The following LAT variants were observed in gnomAD, a reference collection of about 807,000 sequenced individuals.
The protein encoded by LAT is linker for activation of T cells.
In LAT, 12 loss-of-function variants were observed where a neutral mutation model predicts 39.1. That is an observed-to-expected ratio of 0.31 (90% confidence interval 0.20 to 0.50). The LOEUF is 0.50. Among genes scored for constraint, LAT ranks in the 20% least tolerant of loss-of-function variants. The probability of loss-of-function intolerance (pLI) is 0.98; values close to 1 mark genes in which losing one functional copy is unlikely to be tolerated. For synonymous variants in LAT, 117 were observed against 123.8 expected (o/e 0.95, Z 0.36); for missense variants, 253 against 308.0 (o/e 0.82, Z 1.34).
Position 28,986,604 on chromosome 16 carries a change from G to T in LAT, c.340+35G>T, listed in dbSNP as rs764639285. ...GGATCCGAGGTGCCCAGGCTGGGTG[G>T]GGAGTCTGGGGTCCGTCCTGGACTA... On this transcript the variant is annotated intron_variant, in intron 6 of 11. Coordinates refer to ENST00000395456, the MANE Select transcript of LAT (RefSeq NM_001014987.2). This position sits in a 1 kb window ranked among gnomAD's most constrained non-coding sequence, Gnocchi z 5.7. 1.8e-5 allele frequency: 29 copies of T among 1,613,538 alleles called. No homozygotes were observed. The East Asian group carries it at 6.5e-4, about 36-fold the overall frequency.
upstream of LAT, chr16:28,984,910 G>A (rs1051502381): frequency 1.3e-6 from 2 of 1,547,074 alleles, no homozygotes; most frequent in African/African-American, 2.7e-5. Flanking sequence ...CGTCTTGGGG[G>A]GGGCCAGCAG....
At chr16:28,989,677 C>T in intron 9 of LAT, 88 bp downstream of exon 9, 1 of 1,582,826 alleles carries the variant, frequency 6.3e-7, no homozygotes, top group Admixed American at 1.7e-5. Flanking sequence ...CCTGGGGCTA[C>T]CCACACCCTC....
Position 28,986,446 on chromosome 16 carries a change from G to A in LAT, c.310G>A (p.Ala104Thr). ...ATCTTCCCGGCGGGATTCTGATGGT[G>A]GTAAGTGTGGGGAAGGGTTCAGGCG... ...TPSSRRDSDG[A>T]NSVASYENEE... The change falls in exon 5 of 12, where the codon GCC (alanine) becomes ACC (threonine). Residue 104 changes from alanine to threonine, a missense_variant and splice_region_variant. Ala to Thr is a moderately conservative substitution (Grantham distance 58, BLOSUM62 0). Transcript: ENST00000395456. The surrounding 1 kb of genome is among the most constrained non-coding windows in gnomAD (Gnocchi z 5.7). The A allele has an allele frequency of 2.5e-6, 4 of 1,613,960 alleles. No homozygotes were observed. The highest frequency in any genetic ancestry group is 3.4e-6 in the Non-Finnish European group (4 of 1,180,016).
rs140327086 is a variant in LAT at position 28,986,547 on chromosome 16, T to C, written c.318T>C (p.Ser106=). Residue 106 remains serine (S), a synonymous_variant, in exon 6 of 12, where the codon AGT becomes AGC. Transcript: ENST00000395456. The surrounding 1 kb of genome is among the most constrained non-coding windows in gnomAD (Gnocchi z 5.7). The part of the protein sequence containing the change: ...SSRRDSDGAN[S]VASYENEEPA... Reference sequence around the variant, plus strand: ...CTCACCCTCTCTTTGAAGCCAACAGTGTGGCGAGCTACGAGAACGAGGGTG... The same window carrying C: ...CTCACCCTCTCTTTGAAGCCAACAGCGTGGCGAGCTACGAGAACGAGGGTG... 3.0e-3 allele frequency: 4,867 copies of C among 1,612,038 alleles called. 14 individuals are homozygous for C. Among genetic ancestry groups the C allele is most frequent in the Middle Eastern group, 0.011 (66 of 6,052 alleles).
At position 28,986,464 on chromosome 16, in the gene LAT, T is replaced by TTCAGGCGGC. The variant is rs1483496980; in HGVS notation, c.310+19_310+27dup. 1.9e-6 allele frequency: 3 copies of TTCAGGCGGC among 1,613,276 alleles called. No homozygotes were observed. The highest frequency in any genetic ancestry group is 1.3e-5 in the African/African-American group (1 of 74,790). On this transcript the variant is annotated intron_variant, in intron 5 of 11. Transcript: ENST00000395456. This position sits in a 1 kb window ranked among gnomAD's most constrained non-coding sequence, Gnocchi z 5.7. ...TGATGGTGGTAAGTGTGGGGAAGGG[T>TTCAGGCGGC]TCAGGCGGCGGGGGCTGGGAAGAAG...
In LAT at chr16:28,985,771, C is replaced by T. The variant is rs768142595; in HGVS notation, c.128+31C>T. The T allele has an allele frequency of 6.8e-6, 11 of 1,614,090 alleles. No homozygotes were observed. The Admixed American group carries it at 1.7e-4, about 24-fold the overall frequency. ...TCCGCCCCAGCCGCCCTGGGTCTCCCTCCACACCCCATGGCGGGGCAGGGC... is the reference window on the plus strand; with the variant it reads ...TCCGCCCCAGCCGCCCTGGGTCTCCTTCCACACCCCATGGCGGGGCAGGGC... On this transcript the variant is annotated intron_variant, in intron 2 of 11. Transcript: ENST00000395456. This position sits in a 1 kb window ranked among gnomAD's most constrained non-coding sequence, Gnocchi z 4.6.
chr16:28,986,130 C>T lies in LAT; in HGVS notation c.164-5C>T, dbSNP rs1965743641. 1.3e-6 allele frequency: 2 copies of T among 1,590,984 alleles called. No individual in the cohort carries two copies. The highest frequency in any genetic ancestry group is 1.8e-5 in the Admixed American group (1 of 56,886). Reference sequence around the variant, plus strand: ...CCTTCTTTCAACTTGGTTCTGTGTCCTCAGACACGGTTGCCCCCTGGCCAC... The same window carrying T: ...CCTTCTTTCAACTTGGTTCTGTGTCTTCAGACACGGTTGCCCCCTGGCCAC... On this transcript the variant is annotated splice_polypyrimidine_tract_variant and splice_region_variant and intron_variant, in intron 3 of 11. Transcript: ENST00000395456. The surrounding 1 kb of genome is among the most constrained non-coding windows in gnomAD (Gnocchi z 5.7).
chr16:28,986,576 C>G lies in LAT; in HGVS notation c.340+7C>G, dbSNP rs1965762525. 1 of 1,613,232 alleles carries G rather than the reference C, an allele frequency of 6.2e-7. No homozygotes were observed. Among genetic ancestry groups the G allele is most frequent in the East Asian group, 2.2e-5 (1 of 44,850 alleles). Reference sequence around the variant, plus strand: ...GCGAGCTACGAGAACGAGGGTGCGTCTGGGATCCGAGGTGCCCAGGCTGGG... The same window carrying G: ...GCGAGCTACGAGAACGAGGGTGCGTGTGGGATCCGAGGTGCCCAGGCTGGG... On this transcript the variant is annotated splice_region_variant and intron_variant, in intron 6 of 11. Transcript: ENST00000395456. This position sits in a 1 kb window ranked among gnomAD's most constrained non-coding sequence, Gnocchi z 5.7.
chr16:28,989,968 G>A lies in LAT; in HGVS notation c.658G>A (p.Glu220Lys). 1 of 1,613,906 alleles carries A rather than the reference G, an allele frequency of 6.2e-7. No individual in the cohort carries two copies. ...LSSQEAEEVE[E>K]EGAPDYENLQ... Reference sequence around the variant, plus strand: ...TTCCCAGGAGGCAGAGGAAGTGGAGGAAGAGGGGGCTCCAGATTACGAGAA... The same window carrying A: ...TTCCCAGGAGGCAGAGGAAGTGGAGAAAGAGGGGGCTCCAGATTACGAGAA... The change falls in exon 11 of 12, where the codon GAA becomes AAA. Residue 220 changes from glutamate to lysine, a missense_variant. By Grantham distance (56) the Glu-to-Lys change is moderately conservative (BLOSUM62 1). Transcript: ENST00000395456.
At chr16:28,989,244 C>A in intron 8 of LAT, 1 of 404,294 alleles carries the variant, frequency 2.5e-6, no homozygotes. Context: ...TGTGCTGGGG[C>A]CTGACCCTTT....
Position 28,986,773 on chromosome 16 carries a change from C to T in LAT, c.399-26C>T, listed in dbSNP as rs369564255. The stretch of plus-strand genomic sequence containing the variant: ...CTGAGGCTGTGCGTCCCCCCTTGCT[C>T]ACCGGCCCTTTTCACTTCCTTTCAG... On this transcript the variant is annotated intron_variant, in intron 7 of 11. Transcript: ENST00000395456. This position sits in a 1 kb window ranked among gnomAD's most constrained non-coding sequence, Gnocchi z 5.7. 1.9e-6 allele frequency: 3 copies of T among 1,611,598 alleles called. No individual in the cohort carries two copies. Among genetic ancestry groups the T allele is most frequent in the African/African-American group, 2.7e-5 (2 of 74,862 alleles).
chr16:28,984,870 C>T, upstream of LAT: 2 of 1,549,954 alleles, frequency 1.3e-6, no homozygotes, highest in South Asian at 2.4e-5. Context: ...ATATGGAGGC[C>T]ACGGCTGCCA....
At chr16:28,984,843 G>T (rs1596764779), upstream of LAT, 1 of 1,550,138 alleles carries the variant, frequency 6.5e-7, no homozygotes, top group East Asian at 2.4e-5. Flanking sequence ...CCTGCTCGCT[G>T]CCTCCCCGGG....
At position 28,985,486 on chromosome 16, in the gene LAT, G is replaced by A. The variant is rs773144841; in HGVS notation, c.69G>A (p.Met23Ile). ...TGCTGCCCATCCTGGCCATGTTGAT[G>A]GCACTGTGTGTGCACTGCCACAGAC... ...LLLLPILAML[M>I]ALCVHCHRLP... is the part of the protein sequence containing the mutation. The change falls in exon 1 of 12, where the codon ATG (methionine) becomes ATA (isoleucine). Residue 23 changes from methionine (M) to isoleucine (I), a missense_variant. By Grantham distance (10) the Met-to-Ile change is conservative. Transcript: ENST00000395456. The surrounding 1 kb of genome is among the most constrained non-coding windows in gnomAD (Gnocchi z 4.6). 2.0e-5 allele frequency: 32 copies of A among 1,613,700 alleles called. No homozygotes were observed. Among genetic ancestry groups the A allele is most frequent in the Non-Finnish European group, 8.5e-6 (10 of 1,179,944 alleles).
chr16:28,985,084 G>A lies in LAT; in HGVS notation c.-334G>A, dbSNP rs541766243. 1,649 of 1,427,754 alleles carry A rather than the reference G, an allele frequency of 1.2e-3. 2 individuals are homozygous for A. Among genetic ancestry groups the A allele is most frequent in the Middle Eastern group, 2.9e-3 (11 of 3,850 alleles). The allele number at this position is 1,427,754 out of a possible 1,614,324, so 88.4% of individuals were successfully genotyped here. A position where few individuals can be genotyped will look rare whatever the true frequency, so the allele number is the denominator to read the frequency against. ...CCTGCCGCAGGCGGGCGGGAGGGCG[G>A]GCACGGAGAGGCGGGCGCCGAGGAG... On this transcript the variant is annotated 5_prime_UTR_variant, in exon 1 of 12. Coordinates refer to ENST00000395456, the MANE Select transcript of LAT (RefSeq NM_001014987.2). The surrounding 1 kb of genome is among the most constrained non-coding windows in gnomAD (Gnocchi z 4.6).
chr16:28,984,931 A>G, upstream of LAT: 6 of 1,541,130 alleles, frequency 3.9e-6, no homozygotes, highest in Non-Finnish European at 5.2e-6. Context: ...ACCCTTGGTG[A>G]GTGCCTGGGG....
rs760280178 is a variant in LAT, at chr16:28,985,770, C to T, written c.128+30C>T. 5.6e-6 allele frequency: 9 copies of T among 1,613,930 alleles called. No homozygotes were observed. The highest frequency in any genetic ancestry group is 3.3e-5 in the Admixed American group (2 of 60,008). On this transcript the variant is annotated intron_variant, in intron 2 of 11. Transcript: ENST00000395456. The surrounding 1 kb of genome is among the most constrained non-coding windows in gnomAD (Gnocchi z 4.6). The stretch of plus-strand genomic sequence containing the variant: ...GTCCGCCCCAGCCGCCCTGGGTCTC[C>T]CTCCACACCCCATGGCGGGGCAGGG...
intron 8 of LAT, 112 bp from the exon 9 acceptor site, chr16:28,989,415 C>A: frequency 1.1e-6 from 1 of 902,174 alleles, no homozygotes; most frequent in Non-Finnish European, 1.7e-6. Flanking sequence ...TGTGGGAAGC[C>A]TCTGGGGTCT....
chr16:28,985,097 G>A lies in LAT; in HGVS notation c.-321G>A, dbSNP rs1031703344. 1.5e-5 allele frequency: 22 copies of A among 1,427,908 alleles called. No individual in the cohort carries two copies. Among genetic ancestry groups the A allele is most frequent in the Middle Eastern group, 2.6e-4 (1 of 3,876 alleles). The allele number at this position is 1,427,908 out of a possible 1,614,324, so 88.5% of individuals were successfully genotyped here. A position where few individuals can be genotyped will look rare whatever the true frequency, so the allele number is the denominator to read the frequency against. On this transcript the variant is annotated 5_prime_UTR_variant, in exon 1 of 12. Coordinates refer to ENST00000395456, the MANE Select transcript of LAT (RefSeq NM_001014987.2). The surrounding 1 kb of genome is among the most constrained non-coding windows in gnomAD (Gnocchi z 4.6). ...GGCGGGAGGGCGGGCACGGAGAGGC[G>A]GGCGCCGAGGAGGGGCAGGTAGGGC...
Sources: allele counts gnomAD v4.1 joint callset, GRCh38; gene constraint gnomAD v4.1.1; non-coding constraint Gnocchi (gnomAD v3.1); transcripts MANE v1.5; gene names NCBI Gene and HGNC (gene_info 2026-07-23, HGNC 2026-07-21).